ARHGAP9: variants seen among roughly 807,000 people sequenced by gnomAD.
The protein encoded by ARHGAP9 is Rho GTPase activating protein 9.
In ARHGAP9, 76 loss-of-function variants were observed where a neutral mutation model predicts 87.3. That is an observed-to-expected ratio of 0.87 (90% CI 0.72 to 1.05). The LOEUF (loss-of-function observed/expected upper bound fraction) is 1.05, where lower values mean the gene tolerates loss of function less well. Among genes scored for constraint, ARHGAP9 ranks in the 50% least tolerant of loss-of-function variants. ARHGAP9 has a pLI of 0.00. For synonymous variants in ARHGAP9, 382 were observed against 394.9 expected, an observed-to-expected ratio of 0.97 and a Z score of 0.39; for missense variants, 941 against 960.5, an observed-to-expected ratio of 0.98 and a Z score of 0.27.
Position 57,472,474 on chromosome 12 carries a change from C to T in ARHGAP9, c.*43G>A, listed in dbSNP as rs772642586. 3.8e-6 allele frequency: 6 copies of T among 1,599,518 alleles called. No individual in the cohort carries two copies. Among genetic ancestry groups the T allele is most frequent in the Non-Finnish European group, 5.1e-6 (6 of 1,172,036 alleles). On this transcript the variant is annotated 3_prime_UTR_variant, in exon 18 of 18. Coordinates refer to ENST00000393791, the MANE Select transcript of ARHGAP9 (RefSeq NM_032496.4). ...AAACAGAACACCAGCCTCTCACCAC[C>T]AGAGATGACCGGAAATATGTTTTCT...
At chr12:57,478,214 G>A in intron 3 of ARHGAP9, 2 of 338,768 alleles carry the variant, frequency 5.9e-6, no homozygotes, top group Non-Finnish European at 1.1e-5. Context: ...TGGCCTTTCA[G>A]TGCCTCCACT....
chr12:57,485,592 G>A (rs886811663), intron 1 of ARHGAP9, among the ~76,000 whole-genome samples: 1 of 148,772 alleles, frequency 6.7e-6, no homozygotes, highest in African/African-American at 2.5e-5. Flanking sequence ...TTTTTTTTAT[G>A]TTGGCCAGGC....
rs748473287 is a variant in ARHGAP9, at chr12:57,475,816, GCCTCCAC to G, written c.1311+10_1311+16del. ...CCGGCCGGTCGGAGCCTCCCTCCGG[GCCTCCAC>G]CCATCTAACCAGCCGCTCGATGACA... is the stretch of plus-strand genomic sequence containing the variant. On this transcript the variant is annotated intron_variant, in intron 10 of 17. Transcript: ENST00000393791. The G allele has an allele frequency of 3.1e-5, 50 of 1,612,762 alleles. No homozygotes were observed. In the Middle Eastern group the frequency reaches 4.9e-4, roughly 16 times the overall value.
upstream of ARHGAP9, chr12:57,480,669 A>G (rs1393638020): frequency 2.0e-6 from 2 of 1,016,122 alleles, no homozygotes; most frequent in Non-Finnish European, 3.0e-6. Context: ...GCAAGACGCT[A>G]TGACAGGTAG....
intron 10 of ARHGAP9, 44 bp from the exon 11 acceptor site, chr12:57,475,659 A>G (rs768111323): frequency 6.3e-7 from 1 of 1,594,110 alleles, no homozygotes; most frequent in South Asian, 1.1e-5. Context: ...GAGGAGAGAA[A>G]TCTGTATCCC....
chr12:57,474,192 G>C lies in ARHGAP9; in HGVS notation c.1784-16C>G, dbSNP rs774556128. 6.2e-7 allele frequency: 1 copy of C among 1,606,462 alleles called. No homozygotes were observed. Among genetic ancestry groups the C allele is most frequent in the Non-Finnish European group, 8.5e-7 (1 of 1,175,448 alleles). On this transcript the variant is annotated splice_polypyrimidine_tract_variant and intron_variant, in intron 15 of 17. Transcript: ENST00000393791. ...AACCGACCTTCTGGAGGGAGAAGGAGGTATAGGGGCTCATGAAGGGCCAGA... is the reference window on the plus strand; with the variant it reads ...AACCGACCTTCTGGAGGGAGAAGGACGTATAGGGGCTCATGAAGGGCCAGA...
chr12:57,478,999 A>G, intron 2 of ARHGAP9, 92 bp downstream of exon 2: 2 of 1,460,292 alleles, frequency 1.4e-6, no homozygotes, highest in Non-Finnish European at 1.9e-6. Flanking sequence ...AGCTTGAGGG[A>G]GGGGGACCTC....
At chr12:57,486,992 T>C (rs904462154) in intron 1 of ARHGAP9, among the ~76,000 whole-genome samples, 2 of 151,932 alleles carry the variant, frequency 1.3e-5, no homozygotes, top group Admixed American at 6.6e-5. Context: ...ATTCTTTTTT[T>C]TCGAGACGGA....
chr12:57,474,731 G>T, intron 13 of ARHGAP9, 28 bp from the exon 14 acceptor site: 3 of 1,613,300 alleles, frequency 1.9e-6, no homozygotes, highest in South Asian at 1.1e-5. Context: ...AGTAGATAAG[G>T]ACTGCTGCTT....
At chr12:57,478,299 G>A (rs576144376) in intron 3 of ARHGAP9, 6 of 515,324 alleles carry the variant, frequency 1.2e-5, no homozygotes, top group South Asian at 4.6e-5. Flanking sequence ...TTTGCCTCTC[G>A]GCTGCCTCTT....
upstream of ARHGAP9, chr12:57,480,754 C>A: frequency 6.5e-7 from 1 of 1,548,636 alleles, no homozygotes; most frequent in Non-Finnish European, 8.7e-7. Context: ...CACTTTAAAA[C>A]CCACACTTCT....
rs772660799 is a variant in ARHGAP9 at position 57,472,601 on chromosome 12, C to T, written c.2112G>A (p.Glu704=). 8 of 1,614,250 alleles carry T rather than the reference C, an allele frequency of 5.0e-6. No individual in the cohort carries two copies. The South Asian group carries it at 7.7e-5, about 16-fold the overall frequency. ...GAGCATGGGCTGCTGGGTCAGATGT[C>T]TCCTGCTCTGGCCGAAACAGGGTTG... ...FGPTLFRPEQ[E]TSDPAAHALY... The change falls in exon 18 of 18, where the codon GAG becomes GAA. Residue 704 remains glutamate, a synonymous_variant. Coordinates refer to ENST00000393791, the MANE Select transcript of ARHGAP9 (RefSeq NM_032496.4).
intron 1 of ARHGAP9, among the ~76,000 whole-genome samples, chr12:57,485,564 A>AAC (rs1045651058): frequency 2.4e-4 from 36 of 150,154 alleles, no homozygotes; most frequent in African/African-American, 7.3e-4. Context: ...CTGAAAAAAA[A>AAC]AAAAAACAAA....
intron 10 of ARHGAP9, 101 bp downstream of exon 10, chr12:57,475,732 A>T: frequency 6.7e-7 from 1 of 1,486,874 alleles, no homozygotes; most frequent in Non-Finnish European, 9.0e-7. Context: ...CTCTCCACTG[A>T]GCCCACCCTG....
intron 1 of ARHGAP9, chr12:57,488,438 G>A (rs1224696100): frequency 1.1e-6 from 1 of 887,154 alleles, no homozygotes; most frequent in Non-Finnish European, 1.7e-6. Flanking sequence ...CCGTCTTCCC[G>A]GTCCCCGCCT....
At chr12:57,485,561 A>AT (rs1875335375) in intron 1 of ARHGAP9, among the ~76,000 whole-genome samples, 3 of 150,168 alleles carry the variant, frequency 2.0e-5, no homozygotes, top group Admixed American at 6.6e-5. Context: ...CATCTGAAAA[A>AT]AAAAAAAAAC....
intron 8 of ARHGAP9, 66 bp downstream of exon 8, chr12:57,476,297 GC>G: frequency 6.4e-7 from 1 of 1,571,378 alleles, no homozygotes. Flanking sequence ...CCCCGCTGCC[GC>G]CCCCACATTG....
At chr12:57,476,998 C>T (rs756224238) in intron 5 of ARHGAP9, 35 bp from the exon 6 acceptor site, 53 of 1,594,368 alleles carry the variant, frequency 3.3e-5, no homozygotes, top group South Asian at 2.8e-4. Context: ...GGTGGGGAAA[C>T]GCTCGACTCA....
In ARHGAP9 at chr12:57,477,581, G is replaced by A. The variant is rs1164972738; in HGVS notation, c.634C>T (p.Leu212=). 1.2e-6 allele frequency: 2 copies of A among 1,613,158 alleles called. No homozygotes were observed. Among genetic ancestry groups the A allele is most frequent in the Non-Finnish European group, 1.7e-6 (2 of 1,179,522 alleles). The change falls in exon 4 of 18, where the codon CTG becomes TTG. Residue 212 remains leucine (L), a synonymous_variant. Transcript: ENST00000393791. ...RSPPPGPACP[L]LQRLDAWEQH... ...TCCCAGGCATCCAGCCTCTGCAGCA[G>A]GGGGCATGCAGGGCCTGGGGGTGGG...
Sources: allele counts gnomAD v4.1 joint callset (sites outside exome capture counted in the v4.1 genomes callset), GRCh38; gene constraint gnomAD v4.1.1; transcripts MANE v1.5; gene names NCBI Gene and HGNC (gene_info 2026-07-23, HGNC 2026-07-21).